Variants in TTLL13 observed in about 807,000 individuals in gnomAD.
The protein encoded by TTLL13 is tubulin tyrosine ligase like 13.
At chr15:90,265,154 A>T in the TTLL13 span, 1 of 1,242,486 alleles carries the variant, frequency 8.0e-7, no homozygotes, top group Non-Finnish European at 1.1e-6. Flanking sequence ...TTAATTGGGG[A>T]TCGGTAAAGA....
the TTLL13 span, among the ~76,000 whole-genome samples, chr15:90,251,911 G>T: frequency 6.6e-6 from 1 of 151,038 alleles, no homozygotes; most frequent in African/African-American, 2.4e-5. Context: ...GTCTCGCTTT[G>T]TCATCCAGGC....
At chr15:90,256,353 C>T in the TTLL13 span, 1 of 1,606,584 alleles carries the variant, frequency 6.2e-7, no homozygotes, top group Non-Finnish European at 8.5e-7. Flanking sequence ...TGGGCTGCCT[C>T]ATCTCTCCCA....
At chr15:90,251,783 G>T in the TTLL13 span, among the ~76,000 whole-genome samples, 1 of 150,678 alleles carries the variant, frequency 6.6e-6, no homozygotes, top group Non-Finnish European at 1.5e-5. Flanking sequence ...TGCCATTCCA[G>T]GTAGTCTCAG....
chr15:90,253,456 C>T, the TTLL13 span: 8 of 834,168 alleles, frequency 9.6e-6, no homozygotes, highest in Non-Finnish European at 1.5e-5. Flanking sequence ...AAGACTGCTA[C>T]TCTTTGTGGC....
chr15:90,262,970 T>C, the TTLL13 span: 1 of 1,535,630 alleles, frequency 6.5e-7, no homozygotes, highest in Non-Finnish European at 8.7e-7. Flanking sequence ...TTGTAGCTGC[T>C]GCCGGGACAG....
At chr15:90,256,606 TTTCCTTCCTTCC>T in the TTLL13 span, among the ~76,000 whole-genome samples, 60 of 30,536 alleles carry the variant, frequency 2.0e-3, 1 homozygote, top group African/African-American at 8.0e-3. Flanking sequence ...TCTTTCTTTC[TTTCCTTCCTTCC>T]TTCCTTCCTT....
the TTLL13 span, chr15:90,249,709 C>G: frequency 6.6e-6 from 1 of 152,258 alleles, no homozygotes; most frequent in African/African-American, 2.4e-5. Context: ...CCAGGGAGAC[C>G]TGGAGCCGGG....
the TTLL13 span, chr15:90,258,642 A>G: frequency 9.8e-7 from 1 of 1,018,542 alleles, no homozygotes; most frequent in Non-Finnish European, 1.5e-6. Flanking sequence ...GGCTGAGGCC[A>G]TGGGAGAGGA....
At chr15:90,263,409 T>C in the TTLL13 span, 1 of 492,732 alleles carries the variant, frequency 2.0e-6, no homozygotes, top group Non-Finnish European at 3.6e-6. Flanking sequence ...TCTATATTCC[T>C]GTCCCAAAAT....
At chr15:90,257,501 G>A in the TTLL13 span, 2 of 992,690 alleles carry the variant, frequency 2.0e-6, no homozygotes, top group Non-Finnish European at 3.0e-6. Context: ...GGATCATCTA[G>A]AATAGCAGTC....
chr15:90,256,143 A>T, the TTLL13 span: 1 of 1,614,150 alleles, frequency 6.2e-7, no homozygotes, highest in Non-Finnish European at 8.5e-7. Flanking sequence ...GCACATAGCT[A>T]TGGGGACTTC....
chr15:90,253,428 C>T, the TTLL13 span: 1 of 1,311,286 alleles, frequency 7.6e-7, no homozygotes, highest in Non-Finnish European at 1.1e-6. Flanking sequence ...CTATTCCCAC[C>T]TCCTTGCCCA....
chr15:90,252,143 G>A, the TTLL13 span, among the ~76,000 whole-genome samples: 1,813 of 149,852 alleles, frequency 0.012, 25 homozygotes, highest in Non-Finnish European at 0.015. Context: ...AGGTTCAAGC[G>A]ATTCTCCTGC....
the TTLL13 span, chr15:90,262,768 A>AAT: frequency 8.0e-7 from 1 of 1,257,034 alleles, no homozygotes; most frequent in Non-Finnish European, 1.1e-6. Context: ...CCCCATGCAC[A>AAT]AGAGAGAGAG....
chr15:90,255,897 TG>T, the TTLL13 span: 1 of 1,614,184 alleles, frequency 6.2e-7, no homozygotes, highest in Non-Finnish European at 8.5e-7. Flanking sequence ...TGAGTGGGTC[TG>T]GCTTCCCATG....
the TTLL13 span, chr15:90,258,540 C>T: frequency 1.6e-6 from 1 of 615,706 alleles, no homozygotes; most frequent in African/African-American, 1.8e-5. Context: ...TCTAGAGAGG[C>T]AGGCCAGCTG....
At chr15:90,259,165 C>A in the TTLL13 span, 2 of 709,398 alleles carry the variant, frequency 2.8e-6, no homozygotes, top group Non-Finnish European at 4.2e-6. Context: ...GAGTTCAACA[C>A]CAGACTGGGC....
the TTLL13 span, chr15:90,263,393 T>C: frequency 2.0e-6 from 1 of 507,604 alleles, no homozygotes; most frequent in Non-Finnish European, 3.5e-6. Context: ...TACAGGAAAC[T>C]TGCTCTCTAT....
the TTLL13 span, chr15:90,257,716 G>T: frequency 6.2e-7 from 1 of 1,614,050 alleles, no homozygotes; most frequent in Non-Finnish European, 8.5e-7. Context: ...GCTGTGGGCA[G>T]TAAGAGGTAC....
Sources: allele counts gnomAD v4.1 joint callset (sites outside exome capture counted in the v4.1 genomes callset), GRCh38; gene constraint gnomAD v4.1.1; transcripts MANE v1.5; gene names NCBI Gene and HGNC (gene_info 2026-07-23, HGNC 2026-07-21).